The following ATG16L2 variants were observed in gnomAD, a reference collection of about 807,000 sequenced individuals.
ATG16L2 encodes autophagy related 16 like 2.
ATG16L2 carries 77 observed loss-of-function variants against 84.7 expected under a neutral mutation model. The ratio of observed to expected loss-of-function variants is 0.91; its 90% CI spans 0.76 to 1.10. ATG16L2 has a LOEUF of 1.10. ATG16L2 is among the 50% of genes least tolerant of loss of function. The pLI is 0.00. For missense variants in ATG16L2, 782 were observed against 817.6 expected, an observed-to-expected ratio of 0.96 and a Z score of 0.53; for synonymous variants, 361 against 342.8, an observed-to-expected ratio of 1.05 and a Z score of -0.59.
At chr11:72,841,369 ATGC>A in intron 5 of ATG16L2, 4 of 1,169,944 alleles carry the variant, frequency 3.4e-6, no homozygotes, top group Non-Finnish European at 4.8e-6. Context: ...AAAAAAGCAA[ATGC>A]AGTTTTTTTT....
chr11:72,818,945 T>G (rs984371412), intron 3 of ATG16L2: 1 of 152,196 alleles, frequency 6.6e-6, no homozygotes, highest in African/African-American at 2.4e-5. Context: ...GAGCTGCTGT[T>G]GTAGGTCCAA....
intron 17 of ATG16L2, 29 bp from the exon 18 acceptor site, chr11:72,829,274 C>T (rs1396490276): frequency 1.9e-6 from 3 of 1,609,814 alleles, no homozygotes; most frequent in Non-Finnish European, 2.5e-6. Context: ...CCTGAAGCCC[C>T]CCTGAAGCCT....
rs1456517544 is a variant in ATG16L2, at chr11:72,816,797, G to A, written c.188G>A (p.Ser63Asn). 5 of 1,614,236 alleles carry A rather than the reference G, an allele frequency of 3.1e-6. No individual in the cohort carries two copies. The highest frequency in any genetic ancestry group is 2.2e-5 in the South Asian group (2 of 91,090). ...AAGAAGCTGCAGCCGGAGCCAAACA[G>A]TGTCACTCCCACCACCCACCAGGGC... ...FSKKLQPEPN[S>N]VTPTTHQGPW... Residue 63 changes from serine (S) to asparagine (N), a missense_variant, in exon 2 of 18, where the codon AGT becomes AAT. Transcript: ENST00000321297.
At chr11:72,835,167 C>T (rs767447177) in intron 5 of ATG16L2, among the ~76,000 whole-genome samples, 34 of 152,322 alleles carry the variant, frequency 2.2e-4, no homozygotes, top group East Asian at 3.9e-4. Flanking sequence ...TGGTCACAGA[C>T]GGAACCTCCA....
chr11:72,814,616 G>A, intron 1 of ATG16L2, 53 bp downstream of exon 1: 1 of 1,452,222 alleles, frequency 6.9e-7, no homozygotes, highest in Non-Finnish European at 9.4e-7. Flanking sequence ...GCGGCTACGG[G>A]CGCGGGGAGA....
At chr11:72,830,223 A>G (rs748149896), downstream of ATG16L2, among the ~76,000 whole-genome samples, 1 of 152,116 alleles carries the variant, frequency 6.6e-6, no homozygotes, top group Non-Finnish European at 1.5e-5. Context: ...CCAACCTAGG[A>G]CTGGGCACAG....
At position 72,817,919 on chromosome 11, in the gene ATG16L2, C is replaced by T. The variant is rs562863097; in HGVS notation, c.318+64C>T. The T allele has an allele frequency of 7.7e-5, 108 of 1,402,228 alleles. No homozygotes were observed. The South Asian group carries it at 1.0e-3, about 14-fold the overall frequency. The allele number at this position is 1,402,228 out of a possible 1,614,324, so 86.9% of individuals were successfully genotyped here. A position where few individuals can be genotyped will look rare whatever the true frequency, so the allele number is the denominator to read the frequency against. ...GTGGTCCAAGGGAGCCAGCCAGTGA[C>T]GGGTACTCCTGTGTTTGCTGAATTC... On this transcript the variant is annotated intron_variant, in intron 3 of 17. Transcript: ENST00000321297.
intron 5 of ATG16L2, among the ~76,000 whole-genome samples, chr11:72,835,468 C>A (rs1306299451): frequency 6.6e-6 from 1 of 151,918 alleles, no homozygotes; most frequent in Non-Finnish European, 1.5e-5. Context: ...TTCGTGGTGA[C>A]CAGCCTGTGG....
chr11:72,820,408 G>C (rs1859924110), intron 3 of ATG16L2: 1 of 152,128 alleles, frequency 6.6e-6, no homozygotes. Context: ...CCCCTGGCAA[G>C]TACTAATCTG....
rs958273250 is a variant in ATG16L2, at chr11:72,843,198, G to C, written c.*603G>C. The C allele has an allele frequency of 3.7e-6, 6 of 1,614,030 alleles. No individual in the cohort carries two copies. In the Middle Eastern group the frequency reaches 8.2e-4, roughly 222 times the overall value. ...GCCTGAAACGAGTTCTGCTTCCGTG[G>C]AATTGCTGGACGTGTGTGACCGACT... On this transcript the variant is annotated 3_prime_UTR_variant, in exon 6 of 6. Transcript: ENST00000534905.
chr11:72,815,553 G>T (rs1164340753), intron 1 of ATG16L2, among the ~76,000 whole-genome samples: 1 of 151,274 alleles, frequency 6.6e-6, no homozygotes, highest in Non-Finnish European at 1.5e-5. Flanking sequence ...TGAGGGACTA[G>T]AGAGATCTGG....
intron 5 of ATG16L2, among the ~76,000 whole-genome samples, chr11:72,842,133 C>T (rs533147842): frequency 6.6e-6 from 1 of 152,252 alleles, no homozygotes; most frequent in Admixed American, 6.5e-5. Context: ...AGGCTGTTTC[C>T]CTGTGATGAA....
chr11:72,816,424 C>T (rs1331879628), intron 1 of ATG16L2: 1 of 312,868 alleles, frequency 3.2e-6, no homozygotes, highest in African/African-American at 2.1e-5. Flanking sequence ...ATCCCAGGCC[C>T]CTTCCTTCCC....
intron 3 of ATG16L2, 198 bp downstream of exon 3, chr11:72,818,053 C>G: frequency 1.7e-6 from 1 of 578,956 alleles, no homozygotes; most frequent in Middle Eastern, 4.6e-4. Flanking sequence ...GAAGTGGGCT[C>G]CAACAGCAGC....
chr11:72,828,637 C>T (rs1021628759), intron 15 of ATG16L2, 92 bp from the exon 16 acceptor site: 5 of 1,593,766 alleles, frequency 3.1e-6, no homozygotes, highest in Non-Finnish European at 1.7e-6. Context: ...AGGTACCAAA[C>T]CCCTCGACAA....
intron 17 of ATG16L2, 60 bp downstream of exon 17, chr11:72,829,044 G>A (rs1476837995): frequency 6.4e-7 from 1 of 1,552,342 alleles, no homozygotes; most frequent in Non-Finnish European, 8.9e-7. Flanking sequence ...CTGATTCCAG[G>A]TTCTGACATA....
rs778469920 is a variant in ATG16L2, at chr11:72,819,751, C to CT, written c.319-1905dup. On this transcript the variant is annotated intron_variant, in intron 3 of 17. Coordinates refer to ENST00000321297, the MANE Select transcript of ATG16L2 (RefSeq NM_033388.2). The stretch of plus-strand genomic sequence containing the variant: ...AGTGAGGAGGCTTTTTCTTTTCTTT[C>CT]TTTTTTTTTTTTGAGACGGAGTCTC... Among the ~76,000 whole-genome samples, 482 of 146,528 alleles carry CT rather than the reference C, an allele frequency of 3.3e-3. 2 individuals carry two copies. Among genetic ancestry groups the CT allele is most frequent in the African/African-American group, 8.1e-3 (325 of 40,248 alleles).
At chr11:72,835,488 T>C (rs1170708091) in intron 5 of ATG16L2, among the ~76,000 whole-genome samples, 6 of 152,094 alleles carry the variant, frequency 3.9e-5, no homozygotes, top group Admixed American at 6.6e-5. Flanking sequence ...GCACACTTTA[T>C]ATGGCCTTCC....
chr11:72,831,323 A>G (rs1860601432), downstream of ATG16L2, among the ~76,000 whole-genome samples: 2 of 152,252 alleles, frequency 1.3e-5, no homozygotes, highest in African/African-American at 4.8e-5. Context: ...CCTGAGCAAC[A>G]TAGTGAAACC....
Sources: gnomAD v4.1 joint callset for allele counts (sites outside exome capture counted in the v4.1 genomes callset) on GRCh38, gnomAD v4.1.1 for gene constraint, MANE v1.5 for transcripts, NCBI Gene and HGNC (gene_info 2026-07-23, HGNC 2026-07-21) for gene names.